The following AGPAT4 variants were observed in gnomAD, a reference collection of about 807,000 sequenced individuals.
AGPAT4 encodes 1-acyl-sn-glycerol-3-phosphate acyltransferase delta.
In AGPAT4, 15 loss-of-function variants were observed where a neutral mutation model predicts 48.0. That is an observed-to-expected ratio of 0.31 (90% CI 0.21 to 0.48). AGPAT4 has a LOEUF of 0.48. AGPAT4 is among the 20% of genes least tolerant of loss of function. The pLI, the probability that AGPAT4 is intolerant of heterozygous loss-of-function variation, is 0.99. For missense variants in AGPAT4, 314 were observed against 482.5 expected (o/e 0.65, Z 3.27); for synonymous variants, 178 against 198.7 (o/e 0.90, Z 0.88).
rs534157715 is a variant in AGPAT4 at position 161,246,005 on chromosome 6, G to C, written c.-89-13703C>G. On this transcript the variant is annotated intron_variant, in intron 1 of 8. Transcript: ENST00000320285. The surrounding 1 kb of genome is among the most constrained non-coding windows in gnomAD (Gnocchi z 5.5). Reference sequence around the variant, plus strand: ...AACTAAGTTGACATGCAGTATCCTTGTTTCTAGATAGCTCTGAAAAATGGC... The same window carrying C: ...AACTAAGTTGACATGCAGTATCCTTCTTTCTAGATAGCTCTGAAAAATGGC... Among the ~76,000 whole-genome samples the C allele has an allele frequency of 2.6e-5, 4 of 152,148 alleles. No homozygotes were observed. The highest frequency in any genetic ancestry group is 9.7e-5 in the African/African-American group (4 of 41,436).
chr6:161,130,924 A>G lies in AGPAT4; in HGVS notation c.*5616T>C, dbSNP rs1554290184. On this transcript the variant is annotated 3_prime_UTR_variant, in exon 9 of 9. Transcript: ENST00000320285. ...AAAATTCCATGGATGACTTTTCTGAATGTCCTAGAATGTTTGGCAAAGATC... is the reference window on the plus strand; with the variant it reads ...AAAATTCCATGGATGACTTTTCTGAGTGTCCTAGAATGTTTGGCAAAGATC... 1.9e-6 allele frequency: 1 copy of G among 518,916 alleles called. No homozygotes were observed. The highest frequency in any genetic ancestry group is 1.4e-5 in the South Asian group (1 of 71,582). 32.1% of individuals were successfully genotyped at this position (518,916 alleles called of 1,614,324 possible). A position where few individuals can be genotyped will look rare whatever the true frequency, so the allele number is the denominator to read the frequency against.
intron 2 of AGPAT4, among the ~76,000 whole-genome samples, chr6:161,224,386 G>A (rs569688137): frequency 1.2e-4 from 18 of 152,214 alleles, no homozygotes; most frequent in African/African-American, 4.3e-4. Flanking sequence ...GCTCACTCCT[G>A]TAATCCCAGC....
intron 1 of AGPAT4, among the ~76,000 whole-genome samples, chr6:161,260,669 A>C (rs1783074159): frequency 2.0e-5 from 3 of 150,662 alleles, no homozygotes; most frequent in South Asian, 2.1e-4. Flanking sequence ...AAAAAAAAAA[A>C]AAAAAAAAAA....
rs1031599579 is a variant in AGPAT4, at chr6:161,208,450, A to G, written c.178+23586T>C. ...TATGTATACAAATGCACGCACACAC[A>G]CCCACCCCCAACATCTGCAGGTTTA... On this transcript the variant is annotated intron_variant, in intron 2 of 8. Coordinates refer to ENST00000320285, the MANE Select transcript of AGPAT4 (RefSeq NM_020133.3). The surrounding 1 kb of genome is among the most constrained non-coding windows in gnomAD (Gnocchi z 4.6). Among the ~76,000 whole-genome samples the G allele has an allele frequency of 8.7e-5, 13 of 149,582 alleles. No individual in the cohort carries two copies. Among genetic ancestry groups the G allele is most frequent in the African/African-American group, 3.0e-4 (12 of 40,138 alleles).
rs2114760192 is a variant in AGPAT4 at position 161,266,797 on chromosome 6, CAGAT to C, written c.-90+7137_-90+7140del. Among the ~76,000 whole-genome samples, 1 of 152,306 alleles carries C rather than the reference CAGAT, an allele frequency of 6.6e-6. No homozygotes were observed. The highest frequency in any genetic ancestry group is 2.4e-5 in the African/African-American group (1 of 41,582). On this transcript the variant is annotated intron_variant, in intron 1 of 8. Coordinates refer to ENST00000320285, the MANE Select transcript of AGPAT4 (RefSeq NM_020133.3). The surrounding 1 kb of genome is among the most constrained non-coding windows in gnomAD (Gnocchi z 6.2). ...TGGGAAGAAGATGTGCTTGCATAGA[CAGAT>C]AGTTCTTTAAAATTTCATCCGCCTC...
rs1374209527 is a variant in AGPAT4, at chr6:161,254,847, T to C, written c.-90+19091A>G. Among the ~76,000 whole-genome samples the C allele has an allele frequency of 1.3e-5, 2 of 152,196 alleles. No individual in the cohort carries two copies. Among genetic ancestry groups the C allele is most frequent in the African/African-American group, 2.4e-5 (1 of 41,460 alleles). On this transcript the variant is annotated intron_variant, in intron 1 of 8. Coordinates refer to ENST00000320285, the MANE Select transcript of AGPAT4 (RefSeq NM_020133.3). The surrounding 1 kb of genome is among the most constrained non-coding windows in gnomAD (Gnocchi z 5.9). ...GCCAGTGTGTTTGGGTTTCACATCA[T>C]TGTCTTCAAAGGACTTCCTGGTTTC...
chr6:161,152,298 G>GAGGGGGCC (rs1192115739), intron 5 of AGPAT4, among the ~76,000 whole-genome samples: 1 of 151,736 alleles, frequency 6.6e-6, no homozygotes, highest in Non-Finnish European at 1.5e-5. Flanking sequence ...ACAGAGGGGC[G>GAGGGGGCC]AGGGGGCCAG....
chr6:161,154,376 G>A lies in AGPAT4; in HGVS notation c.349-66C>T. 6.3e-7 allele frequency: 1 copy of A among 1,586,574 alleles called. No homozygotes were observed. The highest frequency in any genetic ancestry group is 8.6e-7 in the Non-Finnish European group (1 of 1,162,066). On this transcript the variant is annotated intron_variant, in intron 3 of 8. Coordinates refer to ENST00000320285, the MANE Select transcript of AGPAT4 (RefSeq NM_020133.3). The surrounding 1 kb of genome is among the most constrained non-coding windows in gnomAD (Gnocchi z 7.8). The stretch of plus-strand genomic sequence containing the variant: ...GTCAGAGCCACCTGCCGGGGCTGTT[G>A]GAGACTGAAGTAGAAAAAGAGGAGG...
At position 161,197,562 on chromosome 6, in the gene AGPAT4, C is replaced by T. The variant is rs191384357; in HGVS notation, c.179-31145G>A. ...CTCTAGGAATGTACCGACTGATGTA[C>T]GCATTACTCCTGGGGCTCATGTTTT... On this transcript the variant is annotated intron_variant, in intron 2 of 8. Transcript: ENST00000320285. This position sits in a 1 kb window ranked among gnomAD's most constrained non-coding sequence, Gnocchi z 5.7. 3.3e-5 allele frequency among the ~76,000 whole-genome samples: 5 copies of T among 152,286 alleles called. No homozygotes were observed. The highest frequency in any genetic ancestry group is 9.6e-5 in the African/African-American group (4 of 41,566).
At chr6:161,187,284 T>C (rs564648387) in intron 2 of AGPAT4, among the ~76,000 whole-genome samples, 2 of 152,334 alleles carry the variant, frequency 1.3e-5, no homozygotes, top group East Asian at 3.9e-4. Flanking sequence ...AGTATTCTTC[T>C]ACCATAGAGT....
At position 161,139,399 on chromosome 6, in the gene AGPAT4, C is replaced by T. The variant is rs1160513053; in HGVS notation, c.1042+23G>A. On this transcript the variant is annotated intron_variant, in intron 8 of 8. Coordinates refer to ENST00000320285, the MANE Select transcript of AGPAT4 (RefSeq NM_020133.3). The surrounding 1 kb of genome is among the most constrained non-coding windows in gnomAD (Gnocchi z 9.1). The stretch of plus-strand genomic sequence containing the variant: ...CCCAGGGTGGTGCTGTCAGCACCCA[C>T]CAGCCCCTTGCCCTCCACTCACCCA... 1 of 1,612,388 alleles carries T rather than the reference C, an allele frequency of 6.2e-7. No homozygotes were observed. The highest frequency in any genetic ancestry group is 1.3e-5 in the African/African-American group (1 of 74,924).
intron 2 of AGPAT4, among the ~76,000 whole-genome samples, chr6:161,179,157 C>A (rs1034644444): frequency 2.6e-5 from 4 of 152,120 alleles, no homozygotes; most frequent in South Asian, 2.1e-4. Flanking sequence ...CTCAGGGGGC[C>A]ATAAAGAGGT....
rs1783127469 is a variant in AGPAT4 at position 161,262,345 on chromosome 6, G to C, written c.-90+11593C>G. 6.6e-6 allele frequency among the ~76,000 whole-genome samples: 1 copy of C among 152,206 alleles called. No homozygotes were observed. The highest frequency in any genetic ancestry group is 1.5e-5 in the Non-Finnish European group (1 of 68,044). On this transcript the variant is annotated intron_variant, in intron 1 of 8. Transcript: ENST00000320285. This position sits in a 1 kb window ranked among gnomAD's most constrained non-coding sequence, Gnocchi z 4.9. Reference sequence around the variant, plus strand: ...TCTGCTGCCAGGACCTGAAAAGCGTGATGGAGCTGCAGCCATGGTGGCCAG... The same window carrying C: ...TCTGCTGCCAGGACCTGAAAAGCGTCATGGAGCTGCAGCCATGGTGGCCAG...
rs1312843657 is a variant in AGPAT4 at position 161,270,832 on chromosome 6, C to T, written c.-90+3106G>A. ...CTTTGTCCCATAACCATCAGACCTCCTTTCCAGAATAAAGGAGACTGCACA... is the reference window on the plus strand; with the variant it reads ...CTTTGTCCCATAACCATCAGACCTCTTTTCCAGAATAAAGGAGACTGCACA... On this transcript the variant is annotated intron_variant, in intron 1 of 8. Transcript: ENST00000320285. This position sits in a 1 kb window ranked among gnomAD's most constrained non-coding sequence, Gnocchi z 5.3. Among the ~76,000 whole-genome samples, 1 of 152,156 alleles carries T rather than the reference C, an allele frequency of 6.6e-6. No individual in the cohort carries two copies. The highest frequency in any genetic ancestry group is 2.4e-5 in the African/African-American group (1 of 41,432).
chr6:161,176,058 T>C (rs1233302108), intron 2 of AGPAT4, among the ~76,000 whole-genome samples: 2 of 152,244 alleles, frequency 1.3e-5, no homozygotes, highest in Non-Finnish European at 2.9e-5. Context: ...TACTTCCAAC[T>C]ATGTGGTCAG....
At position 161,261,912 on chromosome 6, in the gene AGPAT4, T is replaced by A. The variant is rs1024152748; in HGVS notation, c.-90+12026A>T. Among the ~76,000 whole-genome samples the A allele has an allele frequency of 2.6e-5, 4 of 152,208 alleles. No individual in the cohort carries two copies. The highest frequency in any genetic ancestry group is 2.6e-4 in the Admixed American group (4 of 15,286). On this transcript the variant is annotated intron_variant, in intron 1 of 8. Coordinates refer to ENST00000320285, the MANE Select transcript of AGPAT4 (RefSeq NM_020133.3). This position sits in a 1 kb window ranked among gnomAD's most constrained non-coding sequence, Gnocchi z 5.3. ...GGGCTCCTGGGCCAGAGACCCAGTT[T>A]GCCTGTATGAGCTGTGCAGCCCTGG...
In AGPAT4 at chr6:161,141,725, G is replaced by C. The variant is rs1196410688; in HGVS notation, c.844-2105C>G. 6.6e-6 allele frequency among the ~76,000 whole-genome samples: 1 copy of C among 152,068 alleles called. No individual in the cohort carries two copies. The highest frequency in any genetic ancestry group is 1.5e-5 in the Non-Finnish European group (1 of 68,024). On this transcript the variant is annotated intron_variant, in intron 7 of 8. Coordinates refer to ENST00000320285, the MANE Select transcript of AGPAT4 (RefSeq NM_020133.3). The surrounding 1 kb of genome is among the most constrained non-coding windows in gnomAD (Gnocchi z 6.7). ...TGCTTTTTTACAGTAATATCACAAA[G>C]GGGAACTCACCATGGTGCCTTTTCT...
rs1351311390 is a variant in AGPAT4 at position 161,218,570 on chromosome 6, C to T, written c.178+13466G>A. Reference sequence around the variant, plus strand: ...GGTGGTTAGGCCACTGTTCAGAAGCCAAGACTCCAGGCTCCAAGTGCGTGT... The same window carrying T: ...GGTGGTTAGGCCACTGTTCAGAAGCTAAGACTCCAGGCTCCAAGTGCGTGT... On this transcript the variant is annotated intron_variant, in intron 2 of 8. Coordinates refer to ENST00000320285, the MANE Select transcript of AGPAT4 (RefSeq NM_020133.3). This position sits in a 1 kb window ranked among gnomAD's most constrained non-coding sequence, Gnocchi z 4.7. Among the ~76,000 whole-genome samples, 1 of 152,184 alleles carries T rather than the reference C, an allele frequency of 6.6e-6. No individual in the cohort carries two copies. The highest frequency in any genetic ancestry group is 2.4e-5 in the African/African-American group (1 of 41,448).
chr6:161,168,691 A>G (rs1780181019), intron 2 of AGPAT4, among the ~76,000 whole-genome samples: 1 of 152,222 alleles, frequency 6.6e-6, no homozygotes, highest in Non-Finnish European at 1.5e-5. Flanking sequence ...ACATTAGATC[A>G]GATCCTGGCA....
Sources: gnomAD v4.1 joint callset for allele counts (sites outside exome capture counted in the v4.1 genomes callset) on GRCh38, gnomAD v4.1.1 for gene constraint, Gnocchi (gnomAD v3.1) non-coding constraint, MANE v1.5 for transcripts, NCBI Gene and HGNC (gene_info 2026-07-23, HGNC 2026-07-21) for gene names.